The following ARHGAP39 variants were observed in gnomAD, a reference collection of about 807,000 sequenced individuals.
The protein encoded by ARHGAP39 is rho GTPase-activating protein 39.
In ARHGAP39, 44 loss-of-function variants were observed where a neutral mutation model predicts 106.9. That is an observed-to-expected ratio of 0.41 (90% CI 0.32 to 0.53). ARHGAP39 has a LOEUF of 0.53. Among genes scored for constraint, ARHGAP39 ranks in the 20% least tolerant of loss-of-function variants. The pLI, the probability that ARHGAP39 is intolerant of heterozygous loss-of-function variation, is 0.21. For missense variants in ARHGAP39, 1,496 were observed against 1,577.3 expected (o/e 0.95, Z 0.87); for synonymous variants, 768 against 693.2 (o/e 1.11, Z -1.69).
intron 7 of ARHGAP39, among the ~76,000 whole-genome samples, 159 bp downstream of exon 7, chr8:144,537,562 A>C (rs1027085597): frequency 2.6e-5 from 4 of 152,074 alleles, no homozygotes; most frequent in African/African-American, 9.7e-5. Context: ...CCAGTCAGTC[A>C]CCTGGGCCCT....
In ARHGAP39 at chr8:144,547,751, G is replaced by A; in HGVS notation, c.1335C>T (p.Ser445=). ...LLRDQRLGVK[S]GDYSTMEGPE... ...GTCCCTCCATGGTGCTGTAGTCTCCGGACTTGACGCCCAGGCGCTGGTCCC... is the reference window on the plus strand; with the variant it reads ...GTCCCTCCATGGTGCTGTAGTCTCCAGACTTGACGCCCAGGCGCTGGTCCC... The change falls in exon 5 of 12, where the codon TCC becomes TCT. Residue 445 remains serine, a synonymous_variant. Transcript: ENST00000377307. The surrounding 1 kb of genome is among the most constrained non-coding windows in gnomAD (Gnocchi z 5.2). 2 of 1,598,686 alleles carry A rather than the reference G, an allele frequency of 1.3e-6. No individual in the cohort carries two copies. The highest frequency in any genetic ancestry group is 1.7e-6 in the Non-Finnish European group (2 of 1,177,766).
chr8:144,592,765 C>T (rs1191549522), intron 2 of ARHGAP39, among the ~76,000 whole-genome samples: 2 of 152,206 alleles, frequency 1.3e-5, no homozygotes, highest in African/African-American at 4.8e-5. Context: ...CAGAGAAAGG[C>T]ACAGGCTTCA....
Position 144,679,997 on chromosome 8 carries a change from T to A in ARHGAP39, c.-82+5689A>T, listed in dbSNP as rs530013207. The stretch of plus-strand genomic sequence containing the variant: ...TCCATCTCAAAAACAAAAAGAAAAT[T>A]AAAATCTAAAGCCTTTAACTGGAAT... On this transcript the variant is annotated intron_variant, in intron 1 of 11. Transcript: ENST00000377307. The surrounding 1 kb of genome is among the most constrained non-coding windows in gnomAD (Gnocchi z 4.7). Among the ~76,000 whole-genome samples the A allele has an allele frequency of 6.6e-6, 1 of 152,182 alleles. No homozygotes were observed. Among genetic ancestry groups the A allele is most frequent in the African/African-American group, 2.4e-5 (1 of 41,528 alleles).
At chr8:144,672,439 A>G (rs1410404062) in intron 1 of ARHGAP39, among the ~76,000 whole-genome samples, 2 of 152,238 alleles carry the variant, frequency 1.3e-5, no homozygotes, top group African/African-American at 2.4e-5. Context: ...AGTTTAAAGT[A>G]ATAATCAAGA....
At chr8:144,616,919 A>C (rs779357415) in intron 1 of ARHGAP39, among the ~76,000 whole-genome samples, 6 of 152,254 alleles carry the variant, frequency 3.9e-5, no homozygotes, top group Non-Finnish European at 8.8e-5. Context: ...CACTATTTTA[A>C]AACAAAACAA....
intron 1 of ARHGAP39, among the ~76,000 whole-genome samples, chr8:144,673,896 C>T (rs1822165159): frequency 6.6e-6 from 1 of 152,228 alleles, no homozygotes; most frequent in Non-Finnish European, 1.5e-5. Context: ...GCTCCAGGTG[C>T]CAGCTCTGTG....
intron 1 of ARHGAP39, among the ~76,000 whole-genome samples, chr8:144,635,426 G>A (rs1821149654): frequency 6.6e-6 from 1 of 152,138 alleles, no homozygotes; most frequent in Non-Finnish European, 1.5e-5. Flanking sequence ...GGGAGGGCAT[G>A]GAAGTTCCAG....
rs1819412483 is a variant in ARHGAP39, at chr8:144,591,850, T to C, written c.81-10573A>G. Among the ~76,000 whole-genome samples, 3 of 152,162 alleles carry C rather than the reference T, an allele frequency of 2.0e-5. No homozygotes were observed. The highest frequency in any genetic ancestry group is 7.2e-5 in the African/African-American group (3 of 41,458). ...CCCCGTGTGCCAGGGCGGCTTCCCC[T>C]GGATGGCGGCGTCGCCTCGTCGCCT... is the stretch of plus-strand genomic sequence containing the variant. On this transcript the variant is annotated intron_variant, in intron 2 of 11. Transcript: ENST00000377307. The surrounding 1 kb of genome is among the most constrained non-coding windows in gnomAD (Gnocchi z 5.3).
chr8:144,581,301 G>A (rs777273874), intron 2 of ARHGAP39, 24 bp from the exon 3 acceptor site: 14 of 1,516,720 alleles, frequency 9.2e-6, no homozygotes, highest in Admixed American at 2.0e-5. Flanking sequence ...GGGTTAAGGC[G>A]GCTGGAGCCA....
At chr8:144,533,413 G>A in intron 8 of ARHGAP39, 88 bp from the exon 9 acceptor site, 1 of 1,339,362 alleles carries the variant, frequency 7.5e-7, no homozygotes, top group East Asian at 2.5e-5. Flanking sequence ...CCGAACATAG[G>A]TGGGTGGCGC....
chr8:144,689,073 A>G (rs1822691534), upstream of ARHGAP39, among the ~76,000 whole-genome samples: 1 of 152,066 alleles, frequency 6.6e-6, no homozygotes, highest in Non-Finnish European at 1.5e-5. Context: ...CCAACGAGAA[A>G]AGGTCTATTG....
At chr8:144,628,922 G>A (rs985589219) in intron 1 of ARHGAP39, among the ~76,000 whole-genome samples, 1 of 152,098 alleles carries the variant, frequency 6.6e-6, no homozygotes, top group East Asian at 1.9e-4. Flanking sequence ...TCGCATTGCC[G>A]CACCCCATCA....
intron 2 of ARHGAP39, among the ~76,000 whole-genome samples, chr8:144,601,029 C>T (rs1308914338): frequency 3.7e-4 from 48 of 130,380 alleles, no homozygotes; most frequent in African/African-American, 1.3e-3. Flanking sequence ...GGCGTGTGCT[C>T]GTGTACCTGT....
At position 144,547,085 on chromosome 8, in the gene ARHGAP39, GC is replaced by G; in HGVS notation, c.1959+41del. 2.0e-6 allele frequency: 3 copies of G among 1,516,948 alleles called. No homozygotes were observed. Among genetic ancestry groups the G allele is most frequent in the South Asian group, 2.7e-5 (2 of 75,010 alleles). The allele number at this position is 1,516,948 out of a possible 1,614,324, so 94.0% of individuals were successfully genotyped here. A position where few individuals can be genotyped will look rare whatever the true frequency, so the allele number is the denominator to read the frequency against. On this transcript the variant is annotated intron_variant, in intron 5 of 11. Coordinates refer to ENST00000377307, the MANE Select transcript of ARHGAP39 (RefSeq NM_025251.3). This position sits in a 1 kb window ranked among gnomAD's most constrained non-coding sequence, Gnocchi z 5.2. ...CACGGGGTCCACTCTGACTGGGCTG[GC>G]CCCAGGCTCTCAAGCTCAGCCGCGC... is the stretch of plus-strand genomic sequence containing the variant.
At chr8:144,534,108 G>GC (rs1816853312) in intron 8 of ARHGAP39, 21 bp downstream of exon 8, 1 of 1,611,552 alleles carries the variant, frequency 6.2e-7, no homozygotes, top group African/African-American at 1.3e-5. Flanking sequence ...GCCCTCCCCG[G>GC]CCCCCCAGGC....
At chr8:144,562,116 TTACTCCAGTGGTTTCCATC>T in intron 3 of ARHGAP39, among the ~76,000 whole-genome samples, 3 of 141,422 alleles carry the variant, frequency 2.1e-5, no homozygotes, top group African/African-American at 8.6e-5. Context: ...TCCATCGGAC[TTACTCCAGTGGTTTCCATC>T]GGACTTACTC....
intron 3 of ARHGAP39, among the ~76,000 whole-genome samples, chr8:144,580,070 G>A (rs1232585343): frequency 6.6e-6 from 1 of 151,592 alleles, no homozygotes; most frequent in South Asian, 2.1e-4. Flanking sequence ...CTTCCCCACC[G>A]TCCTCTCTGG....
At chr8:144,665,005 C>A (rs897210272) in intron 1 of ARHGAP39, among the ~76,000 whole-genome samples, 6 of 152,166 alleles carry the variant, frequency 3.9e-5, no homozygotes, top group South Asian at 2.1e-4. Context: ...AGTCTGGAAC[C>A]TCCTAGAGAC....
intron 4 of ARHGAP39, among the ~76,000 whole-genome samples, chr8:144,554,834 C>T (rs1316456939): frequency 1.3e-5 from 2 of 152,246 alleles, no homozygotes; most frequent in Non-Finnish European, 2.9e-5. Flanking sequence ...AAACCGTTAC[C>T]ACTTCCAAGC....
Sources: allele counts gnomAD v4.1 joint callset (sites outside exome capture counted in the v4.1 genomes callset), GRCh38; gene constraint gnomAD v4.1.1; non-coding constraint Gnocchi (gnomAD v3.1); transcripts MANE v1.5; gene names NCBI Gene and HGNC (gene_info 2026-07-23, HGNC 2026-07-21).